Variants in GADL1 observed in about 807,000 individuals in gnomAD.
GADL1 encodes the protein GAD like acidic amino acid decarboxylase 1.
A neutral mutation model predicts 69.5 loss-of-function variants in GADL1; 71 were observed. The observed-to-expected ratio is 1.02, with a 90% CI of 0.84 to 1.25. The LOEUF (loss-of-function observed/expected upper bound fraction) is 1.25, where lower values mean the gene tolerates loss of function less well. GADL1 is among the 50% of genes most tolerant of loss of function. The probability of loss-of-function intolerance (pLI) is 0.00; values close to 1 mark genes in which losing one functional copy is unlikely to be tolerated. For missense variants in GADL1, 737 were observed against 631.8 expected (o/e 1.17, Z -1.79); for synonymous variants, 254 against 214.4 (o/e 1.18, Z -1.62).
intron 14 of GADL1, among the ~76,000 whole-genome samples, chr3:30,750,802 A>C (rs1559486406): frequency 6.6e-6 from 1 of 151,722 alleles, no homozygotes; most frequent in Non-Finnish European, 1.5e-5. Context: ...TTTCAGCTTG[A>C]CTAAAAAGTT....
chr3:30,728,182 T>C lies in GADL1; in HGVS notation c.*60A>G. ...TGCAATCTACTGTGTATCTCCAAGA[T>C]GTTCTGGATCTAAACTCTCCCAGGA... On this transcript the variant is annotated 3_prime_UTR_variant, in exon 15 of 15. Coordinates refer to ENST00000282538, the MANE Select transcript of GADL1 (RefSeq NM_207359.3). 3 of 1,431,482 alleles carry C rather than the reference T, an allele frequency of 2.1e-6. No individual in the cohort carries two copies. In the South Asian group the frequency reaches 3.5e-5, roughly 17 times the overall value. The allele number at this position is 1,431,482 out of a possible 1,614,324, so 88.7% of individuals were successfully genotyped here.
chr3:30,853,035 A>C (rs907122787), intron 4 of GADL1, among the ~76,000 whole-genome samples: 1 of 152,102 alleles, frequency 6.6e-6, no homozygotes, highest in Non-Finnish European at 1.5e-5. Flanking sequence ...TGAATATTCA[A>C]CAACATGTGA....
intron 1 of GADL1, among the ~76,000 whole-genome samples, chr3:30,863,105 G>T (rs189660352): frequency 2.6e-5 from 4 of 151,274 alleles, no homozygotes; most frequent in Admixed American, 1.3e-4. Context: ...AATTTGTCAG[G>T]GATACCATAT....
At chr3:30,893,717 A>C (rs1157291912) in intron 1 of GADL1, among the ~76,000 whole-genome samples, 3 of 152,164 alleles carry the variant, frequency 2.0e-5, no homozygotes, top group Non-Finnish European at 2.9e-5. Flanking sequence ...TTTCAGCCAA[A>C]TGGTTTCTGC....
At chr3:30,786,553 T>C (rs750672072) in intron 12 of GADL1, 147 bp from the exon 13 acceptor site, 122 of 613,452 alleles carry the variant, frequency 2.0e-4, no homozygotes, top group Middle Eastern at 8.1e-4. Flanking sequence ...TATGGATAGA[T>C]AAATACTCCA....
chr3:30,793,974 TCA>T (rs1168265566), intron 12 of GADL1, among the ~76,000 whole-genome samples: 17 of 152,200 alleles, frequency 1.1e-4, no homozygotes, highest in Admixed American at 3.9e-4. Context: ...GTGGAATTCA[TCA>T]CAGACACCCA....
intron 12 of GADL1, among the ~76,000 whole-genome samples, chr3:30,787,869 A>C (rs60001648): frequency 0.15 from 23,469 of 152,144 alleles, 4,673 homozygotes; most frequent in African/African-American, 0.45. Flanking sequence ...TATAATGTGA[A>C]TATGGAATAC....
At chr3:30,783,944 G>T (rs959153897) in intron 13 of GADL1, among the ~76,000 whole-genome samples, 11 of 152,062 alleles carry the variant, frequency 7.2e-5, no homozygotes, top group Admixed American at 7.2e-4. Context: ...TCTGTCAAAA[G>T]ACTGTACAGT....
At position 30,861,806 on chromosome 3, in the gene GADL1, A is replaced by G. The variant is rs370878249; in HGVS notation, c.38-41T>C. On this transcript the variant is annotated intron_variant, in intron 1 of 14. Coordinates refer to ENST00000282538, the MANE Select transcript of GADL1 (RefSeq NM_207359.3). ...CAAATTGTGTTTGAGAGATAATCTA[A>G]TTACACCACATAACAAAGCACGGGA... 21 of 1,359,908 alleles carry G rather than the reference A, an allele frequency of 1.5e-5. No homozygotes were observed. In the African/African-American group the frequency reaches 1.8e-4, roughly 11 times the overall value. The allele number at this position is 1,359,908 out of a possible 1,614,324, so 84.2% of individuals were successfully genotyped here. A position where few individuals can be genotyped will look rare whatever the true frequency, so the allele number is the denominator to read the frequency against.
At chr3:30,842,670 T>C (rs1458871172) in intron 8 of GADL1, among the ~76,000 whole-genome samples, 2 of 151,996 alleles carry the variant, frequency 1.3e-5, no homozygotes, top group African/African-American at 2.4e-5. Context: ...GGAATTTATG[T>C]AAAAAGAAAT....
At chr3:30,889,980 C>A (rs1384144162) in intron 1 of GADL1, among the ~76,000 whole-genome samples, 1 of 152,140 alleles carries the variant, frequency 6.6e-6, no homozygotes, top group Non-Finnish European at 1.5e-5. Context: ...CACCTAGAAC[C>A]TCTTGCAATG....
rs201629263 is a variant in GADL1 at position 30,850,825 on chromosome 3, T to C, written c.535+10A>G. ...TTGGAAGGTTGATATCAATAACTAA[T>C]TGTACTCACCTGGGTTAAATATTCC... is the stretch of plus-strand genomic sequence containing the variant. On this transcript the variant is annotated intron_variant, in intron 5 of 14. Transcript: ENST00000282538. The C allele has an allele frequency of 3.3e-4, 490 of 1,474,202 alleles. 2 individuals carry two copies. The highest frequency in any genetic ancestry group is 2.8e-3 in the Middle Eastern group (16 of 5,798). 91.3% of individuals were successfully genotyped at this position (1,474,202 alleles called of 1,614,324 possible).
At chr3:30,820,347 A>G (rs566720513) in intron 11 of GADL1, among the ~76,000 whole-genome samples, 1 of 152,214 alleles carries the variant, frequency 6.6e-6, no homozygotes, top group South Asian at 2.1e-4. Context: ...TTTACCGAAC[A>G]TATTTTTGAA....
intron 11 of GADL1, among the ~76,000 whole-genome samples, chr3:30,825,505 A>G (rs1029935815): frequency 3.3e-5 from 5 of 151,972 alleles, no homozygotes; most frequent in Non-Finnish European, 7.4e-5. Context: ...TAGAAAGCCT[A>G]ATTAGAATTA....
intron 14 of GADL1, among the ~76,000 whole-genome samples, chr3:30,764,997 A>T (rs1201929855): frequency 6.6e-6 from 1 of 151,950 alleles, no homozygotes; most frequent in African/African-American, 2.4e-5. Flanking sequence ...AAGTCTGACA[A>T]TGCAGGTTTA....
intron 6 of GADL1, among the ~76,000 whole-genome samples, chr3:30,845,892 C>G (rs1698045210): frequency 6.6e-6 from 1 of 151,998 alleles, no homozygotes; most frequent in Admixed American, 6.5e-5. Flanking sequence ...TGACATCTAA[C>G]TATAAGGAAA....
intron 1 of GADL1, among the ~76,000 whole-genome samples, chr3:30,873,854 C>G (rs750733325): frequency 5.9e-5 from 9 of 151,908 alleles, no homozygotes; most frequent in Non-Finnish European, 8.8e-5. Context: ...ACTCTCAGCT[C>G]TCTTGCTTCT....
At chr3:30,772,786 G>GA (rs1451749515) in intron 14 of GADL1, among the ~76,000 whole-genome samples, 2 of 152,174 alleles carry the variant, frequency 1.3e-5, no homozygotes, top group African/African-American at 2.4e-5. Context: ...TGAGGCAGGA[G>GA]AATCGGTTGA....
At position 30,856,970 on chromosome 3, in the gene GADL1, A is replaced by G. The variant is rs1271530046; in HGVS notation, c.337+45T>C. 13 of 1,498,610 alleles carry G rather than the reference A, an allele frequency of 8.7e-6. No individual in the cohort carries two copies. In the Admixed American group the frequency reaches 2.6e-4, roughly 30 times the overall value. The allele number at this position is 1,498,610 out of a possible 1,614,324, so 92.8% of individuals were successfully genotyped here. ...CTTTGAGAGGCTTTGCAAACATAAG[A>G]ACTTGTCAGAGGTACAGATCAAGGA... is the stretch of plus-strand genomic sequence containing the variant. On this transcript the variant is annotated intron_variant, in intron 3 of 14. Transcript: ENST00000282538.
Sources: allele counts gnomAD v4.1 joint callset (sites outside exome capture counted in the v4.1 genomes callset), GRCh38; gene constraint gnomAD v4.1.1; transcripts MANE v1.5; gene names NCBI Gene and HGNC (gene_info 2026-07-23, HGNC 2026-07-21).